Variants in IFNAR1 observed in about 807,000 individuals in gnomAD.
The protein encoded by IFNAR1 is interferon alpha and beta receptor subunit 1.
In IFNAR1, 47 loss-of-function variants were observed where a neutral mutation model predicts 62.1. That is an observed-to-expected ratio of 0.76 (90% confidence interval 0.60 to 0.97). IFNAR1 has a LOEUF of 0.97. Among genes scored for constraint, IFNAR1 ranks in the 50% least tolerant of loss-of-function variants. The pLI, the probability that IFNAR1 is intolerant of heterozygous loss-of-function variation, is 0.00. For missense variants in IFNAR1, 638 were observed against 654.5 expected (o/e 0.97, Z 0.27); for synonymous variants, 219 against 226.9 (o/e 0.97, Z 0.31).
intron 5 of IFNAR1, among the ~76,000 whole-genome samples, chr21:33,344,818 C>T (rs1467097069): frequency 1.6e-5 from 2 of 125,930 alleles, no homozygotes; most frequent in Non-Finnish European, 3.7e-5. Context: ...GACAGAGTCT[C>T]ACTCTCTTGC....
chr21:33,324,831 A>T (rs1049375899), upstream of IFNAR1: 1 of 561,384 alleles, frequency 1.8e-6, no homozygotes, highest in African/African-American at 1.9e-5. Flanking sequence ...GAGCTTGGAG[A>T]AGGGGTGCTA....
upstream of IFNAR1, chr21:33,324,823 G>A: frequency 1.8e-6 from 1 of 565,104 alleles, no homozygotes; most frequent in Non-Finnish European, 3.2e-6. Flanking sequence ...GGCAATGGGA[G>A]CTTGGAGAAG....
At chr21:33,351,049 T>C (rs563407672) in intron 8 of IFNAR1, among the ~76,000 whole-genome samples, 2 of 152,342 alleles carry the variant, frequency 1.3e-5, no homozygotes, top group African/African-American at 4.8e-5. Flanking sequence ...TAAATTGTAG[T>C]TGCCATCTTA....
intron 9 of IFNAR1, 100 bp downstream of exon 9, chr21:33,353,008 C>CA (rs1310942713): frequency 2.8e-6 from 2 of 716,484 alleles, no homozygotes; most frequent in South Asian, 4.2e-5. Context: ...CTCTTTACTG[C>CA]AAAAAATATA....
rs542428107 is a variant in IFNAR1, at chr21:33,358,843, A to T, written c.*3294A>T. The T allele has an allele frequency of 2.6e-5, 4 of 150,982 alleles. No homozygotes were observed. The highest frequency in any genetic ancestry group is 2.1e-4 in the South Asian group (1 of 4,796). 9.4% of individuals were successfully genotyped at this position (150,982 alleles called of 1,614,324 possible). A position where few individuals can be genotyped will look rare whatever the true frequency, so the allele number is the denominator to read the frequency against. ...ACATGGCCAGACCCCATCTCTATTT[A>T]TATATATATATATAAAACTTAGAGT... On this transcript the variant is annotated 3_prime_UTR_variant, in exon 11 of 11. Transcript: ENST00000270139.
chr21:33,338,207 T>C (rs1329327409), intron 2 of IFNAR1, among the ~76,000 whole-genome samples: 1 of 152,140 alleles, frequency 6.6e-6, no homozygotes, highest in East Asian at 1.9e-4. Context: ...CATGAGATAT[T>C]GTCTCCCCGC....
Position 33,343,562 on chromosome 21 carries a change from C to T in IFNAR1, c.559C>T (p.His187Tyr). The T allele has an allele frequency of 6.5e-7, 1 of 1,546,304 alleles. No homozygotes were observed. The highest frequency in any genetic ancestry group is 8.9e-7 in the Non-Finnish European group (1 of 1,120,856). ...AAGGATTGAAAATATTTATTCCAGA[C>T]ATAAAATTTATAAACTCTCACCAGA... ...EERIENIYSR[H>Y]KIYKLSPETT... The change falls in exon 5 of 11, where the codon CAT (histidine) becomes TAT (tyrosine). Residue 187 changes from histidine to tyrosine, a missense_variant. Physicochemically the swap from His to Tyr is moderately conservative, Grantham distance 83. Coordinates refer to ENST00000270139, the MANE Select transcript of IFNAR1 (RefSeq NM_000629.3).
chr21:33,326,212 CTTTT>C (rs3989181), intron 1 of IFNAR1, among the ~76,000 whole-genome samples: 167 of 138,326 alleles, frequency 1.2e-3, no homozygotes, highest in Middle Eastern at 3.7e-3. Context: ...TTTATTTATA[CTTTT>C]TTTTTTTTTT....
Position 33,357,222 on chromosome 21 carries a change from G to A in IFNAR1, c.*1673G>A, listed in dbSNP as rs138450588. 2.6e-5 allele frequency: 4 copies of A among 152,334 alleles called. 1 individual carries two copies. Among genetic ancestry groups the A allele is most frequent in the African/African-American group, 7.2e-5 (3 of 41,560 alleles). The allele number at this position is 152,334 out of a possible 1,614,324, so 9.4% of individuals were successfully genotyped here. ...AGAGACAAAGTTAGAACGTGCTGGG[G>A]AGCGGCCATTTCTAAGGCCAGTCTG... On this transcript the variant is annotated 3_prime_UTR_variant, in exon 11 of 11. Coordinates refer to ENST00000270139, the MANE Select transcript of IFNAR1 (RefSeq NM_000629.3).
At chr21:33,336,853 C>T (rs1025084250) in intron 2 of IFNAR1, among the ~76,000 whole-genome samples, 9 of 149,482 alleles carry the variant, frequency 6.0e-5, no homozygotes, top group South Asian at 2.1e-4. Context: ...CGGTTTCAAG[C>T]GATTCTCCTG....
rs1490386656 is a variant in IFNAR1, at chr21:33,343,312, G to A, written c.421G>A (p.Ala141Thr). ...AGTACATTTAGAAGCTGAAGATAAG[G>A]CAATAGTGATACACATCTCTCCTGG... ...PEVHLEAEDKAIVIHISPGTK... is the reference protein window; with the variant it reads ...PEVHLEAEDKTIVIHISPGTK... The change falls in exon 4 of 11, where the codon GCA (alanine) becomes ACA (threonine). Residue 141 changes from alanine to threonine, a missense_variant. Ala to Thr is a moderately conservative substitution (Grantham distance 58, BLOSUM62 0). Coordinates refer to ENST00000270139, the MANE Select transcript of IFNAR1 (RefSeq NM_000629.3). 1 of 1,613,408 alleles carries A rather than the reference G, an allele frequency of 6.2e-7. No individual in the cohort carries two copies. Among genetic ancestry groups the A allele is most frequent in the East Asian group, 2.2e-5 (1 of 44,862 alleles).
At chr21:33,327,597 C>T (rs17875762) in intron 1 of IFNAR1, among the ~76,000 whole-genome samples, 1 of 152,150 alleles carries the variant, frequency 6.6e-6, no homozygotes, top group East Asian at 1.9e-4. Flanking sequence ...AATTTAAATT[C>T]CTGATTGTCC....
At chr21:33,352,177 CAG>C (rs370369453) in intron 8 of IFNAR1, among the ~76,000 whole-genome samples, 30 of 152,226 alleles carry the variant, frequency 2.0e-4, no homozygotes, top group African/African-American at 7.0e-4. Flanking sequence ...TGTCACTAAT[CAG>C]AGGTAATACA....
At chr21:33,324,842 G>C, upstream of IFNAR1, 2 of 586,830 alleles carry the variant, frequency 3.4e-6, no homozygotes, top group Non-Finnish European at 6.1e-6. Flanking sequence ...AGGGGTGCTA[G>C]CTAGGAGGAA....
intron 2 of IFNAR1, among the ~76,000 whole-genome samples, chr21:33,338,958 T>C (rs934651343): frequency 1.3e-5 from 2 of 152,042 alleles, no homozygotes; most frequent in African/African-American, 4.8e-5. Flanking sequence ...ATCGGGCTGA[T>C]CTCGAACTCC....
chr21:33,341,449 T>G (rs2123681690), intron 3 of IFNAR1, among the ~76,000 whole-genome samples: 1 of 152,306 alleles, frequency 6.6e-6, no homozygotes, highest in East Asian at 1.9e-4. Context: ...CTTTTTAATT[T>G]TTGTTCTTTC....
intron 1 of IFNAR1, 88 bp downstream of exon 1, chr21:33,325,219 C>T (rs2083115060): frequency 3.5e-6 from 4 of 1,130,520 alleles, no homozygotes; most frequent in Non-Finnish European, 5.2e-6. Flanking sequence ...TTGGGGGCGA[C>T]AGACGCCCAG....
chr21:33,346,213 T>C (rs2083344642), intron 6 of IFNAR1, among the ~76,000 whole-genome samples: 1 of 151,516 alleles, frequency 6.6e-6, no homozygotes, highest in Non-Finnish European at 1.5e-5. Context: ...GAAGGAAAAA[T>C]GGGTTATGGG....
In IFNAR1 at chr21:33,345,361, G is replaced by GT. The variant is rs1225428094; in HGVS notation, c.788+2dup. The GT allele has an allele frequency of 6.8e-7, 1 of 1,477,256 alleles. No homozygotes were observed. Among genetic ancestry groups the GT allele is most frequent in the Non-Finnish European group, 9.5e-7 (1 of 1,056,194 alleles). 91.5% of individuals were successfully genotyped at this position (1,477,256 alleles called of 1,614,324 possible). On this transcript the variant is annotated splice_donor_variant, in intron 6 of 10. Coordinates refer to ENST00000270139, the MANE Select transcript of IFNAR1 (RefSeq NM_000629.3). LOFTEE classifies it high-confidence loss of function. ...TGACCTTTCAAGTTCAGTGGCTCCA[G>GT]TAAGTTCCATTCCATAAATTTCCTT...
Sources: gnomAD v4.1 joint callset for allele counts (sites outside exome capture counted in the v4.1 genomes callset) on GRCh38, gnomAD v4.1.1 for gene constraint, MANE v1.5 for transcripts, NCBI Gene and HGNC (gene_info 2026-07-23, HGNC 2026-07-21) for gene names.